The following VSTM5 variants were observed in gnomAD, a reference collection of about 807,000 sequenced individuals.
VSTM5 encodes V-set and transmembrane domain-containing protein 5.
A neutral mutation model predicts 20.3 loss-of-function variants in VSTM5; 21 were observed. The ratio of observed to expected loss-of-function variants is 1.03; its 90% CI spans 0.73 to 1.49. The LOEUF is 1.49. Ranked by LOEUF, VSTM5 falls within the 40% of genes most tolerant of loss-of-function variation. VSTM5 has a pLI of 0.00. For synonymous variants in VSTM5, 100 were observed against 102.5 expected (o/e 0.98, Z 0.14); for missense variants, 219 against 250.0 (o/e 0.88, Z 0.84).
chr11:93,822,832 T>A (rs1944200870), intron 1 of VSTM5, among the ~76,000 whole-genome samples: 1 of 152,234 alleles, frequency 6.6e-6, no homozygotes, highest in African/African-American at 2.4e-5. Context: ...GTATCTATGT[T>A]TCCTGATTTC....
chr11:93,844,216 G>A (rs374387629), intron 1 of VSTM5, among the ~76,000 whole-genome samples: 3 of 152,236 alleles, frequency 2.0e-5, no homozygotes, highest in Non-Finnish European at 4.4e-5. Context: ...CCCGAAGTGC[G>A]TGGAAGCCTT....
At chr11:93,848,611 G>A (rs1395827038) in intron 1 of VSTM5, among the ~76,000 whole-genome samples, 2 of 152,206 alleles carry the variant, frequency 1.3e-5, no homozygotes, top group Admixed American at 6.5e-5. Flanking sequence ...ATTCTGAGAC[G>A]CTAGGGCTTC....
intron 1 of VSTM5, among the ~76,000 whole-genome samples, chr11:93,847,130 T>G (rs866565515): frequency 6.6e-5 from 10 of 152,138 alleles, no homozygotes; most frequent in Non-Finnish European, 1.0e-4. Context: ...CATTTGTATG[T>G]ATGCAAAAAT....
chr11:93,821,230 A>G lies in VSTM5; in HGVS notation c.185T>C (p.Val62Ala). The change falls in exon 2 of 4, where the codon GTG becomes GCG. Residue 62 changes from valine (V) to alanine (A), a missense_variant. Coordinates refer to ENST00000409977, the MANE Select transcript of VSTM5 (RefSeq NM_001144871.2). Reference sequence around the variant, plus strand: ...TGAATATGTCCATTCGATGGTGGGCACTCCATGACAGGAGTACTCAACTGA... The same window carrying G: ...TGAATATGTCCATTCGATGGTGGGCGCTCCATGACAGGAGTACTCAACTGA... ...LLSVEYSCHGVPTIEWTYSSN... is the reference protein window; with the variant it reads ...LLSVEYSCHGAPTIEWTYSSN... The G allele has an allele frequency of 6.4e-7, 1 of 1,551,882 alleles. No individual in the cohort carries two copies. Among genetic ancestry groups the G allele is most frequent in the Admixed American group, 2.0e-5 (1 of 50,994 alleles).
At chr11:93,829,528 C>G (rs573901127) in intron 1 of VSTM5, among the ~76,000 whole-genome samples, 4 of 151,638 alleles carry the variant, frequency 2.6e-5, no homozygotes, top group African/African-American at 9.7e-5. Flanking sequence ...GACTCAGTCT[C>G]AAGAAAAAAG....
intron 1 of VSTM5, among the ~76,000 whole-genome samples, chr11:93,846,876 C>T (rs1441109426): frequency 1.3e-5 from 2 of 151,366 alleles, no homozygotes; most frequent in East Asian, 1.9e-4. Flanking sequence ...AAGCGATTCT[C>T]CTGCCTCAGC....
chr11:93,833,783 C>T (rs1944301470), intron 1 of VSTM5, among the ~76,000 whole-genome samples: 1 of 152,100 alleles, frequency 6.6e-6, no homozygotes, highest in Admixed American at 6.6e-5. Flanking sequence ...CCCTTTACTG[C>T]AAGTTACAGC....
intron 1 of VSTM5, among the ~76,000 whole-genome samples, chr11:93,837,834 C>T (rs188652803): frequency 4.7e-4 from 72 of 152,130 alleles, no homozygotes; most frequent in African/African-American, 1.6e-3. Context: ...GTTGCAAACA[C>T]ACCCATAAAA....
intron 1 of VSTM5, among the ~76,000 whole-genome samples, chr11:93,830,798 G>T (rs1457669491): frequency 6.6e-6 from 1 of 151,628 alleles, no homozygotes; most frequent in East Asian, 1.9e-4. Flanking sequence ...CACTACTGAG[G>T]CTGGAGTGCA....
At chr11:93,822,368 C>CAGT (rs1487646046) in intron 1 of VSTM5, among the ~76,000 whole-genome samples, 1 of 152,058 alleles carries the variant, frequency 6.6e-6, no homozygotes, top group African/African-American at 2.4e-5. Context: ...AGGCATGAGC[C>CAGT]AGTGCACCCA....
chr11:93,843,148 T>G (rs1330837102), intron 1 of VSTM5, among the ~76,000 whole-genome samples: 1 of 151,912 alleles, frequency 6.6e-6, no homozygotes, highest in Admixed American at 6.6e-5. Context: ...TTCGAGTAAA[T>G]TCTCCTCCAG....
chr11:93,848,480 TG>T (rs1944431101), intron 1 of VSTM5, among the ~76,000 whole-genome samples: 1 of 152,234 alleles, frequency 6.6e-6, no homozygotes. Flanking sequence ...CTCCAGGTTT[TG>T]CATGTGCCAT....
At chr11:93,846,852 T>C (rs567086336) in intron 1 of VSTM5, among the ~76,000 whole-genome samples, 292 of 151,054 alleles carry the variant, frequency 1.9e-3, no homozygotes, top group African/African-American at 6.9e-3. Context: ...CTGCAACCTC[T>C]GCCTCCCGGG....
At chr11:93,824,664 T>G (rs959723380) in intron 1 of VSTM5, among the ~76,000 whole-genome samples, 2 of 152,220 alleles carry the variant, frequency 1.3e-5, no homozygotes, top group African/African-American at 4.8e-5. Context: ...CAGAAGGTTT[T>G]TAGTTTGATG....
chr11:93,821,219 C>T lies in VSTM5; in HGVS notation c.196G>A (p.Glu66Lys), dbSNP rs371418616. 3.8e-5 allele frequency: 59 copies of T among 1,551,874 alleles called. No individual in the cohort carries two copies. The highest frequency in any genetic ancestry group is 4.9e-5 in the Non-Finnish European group (56 of 1,147,082). Residue 66 changes from glutamate to lysine, a missense_variant, in exon 2 of 4, where the codon GAA (glutamate) becomes AAA (lysine). Glu to Lys is a moderately conservative substitution (Grantham distance 56). Transcript: ENST00000409977. The stretch of plus-strand genomic sequence containing the variant: ...CCCCAATTGGATGAATATGTCCATT[C>T]GATGGTGGGCACTCCATGACAGGAG... ...EYSCHGVPTI[E>K]WTYSSNWGTQ...
At chr11:93,846,501 G>A (rs190042577) in intron 1 of VSTM5, among the ~76,000 whole-genome samples, 4 of 152,318 alleles carry the variant, frequency 2.6e-5, no homozygotes, top group Admixed American at 1.3e-4. Context: ...TCTTCCATAC[G>A]ATGTGCGCAT....
chr11:93,826,621 G>T (rs890130013), intron 1 of VSTM5, among the ~76,000 whole-genome samples: 1 of 151,788 alleles, frequency 6.6e-6, no homozygotes, highest in Non-Finnish European at 1.5e-5. Flanking sequence ...GGATGGTCTC[G>T]ATCTCCTGAC....
chr11:93,840,540 C>G (rs893652593), intron 1 of VSTM5, among the ~76,000 whole-genome samples: 3 of 152,206 alleles, frequency 2.0e-5, no homozygotes, highest in African/African-American at 7.2e-5. Context: ...TTCAGGAAGA[C>G]AGTTGGGGGA....
intron 1 of VSTM5, among the ~76,000 whole-genome samples, chr11:93,841,555 A>G (rs1171920763): frequency 1.3e-5 from 2 of 152,244 alleles, no homozygotes; most frequent in Non-Finnish European, 2.9e-5. Context: ...TCACTGAACC[A>G]GATTGCAGGG....
Sources: gnomAD v4.1 joint callset for allele counts (sites outside exome capture counted in the v4.1 genomes callset) on GRCh38, gnomAD v4.1.1 for gene constraint, MANE v1.5 for transcripts, NCBI Gene and HGNC (gene_info 2026-07-23, HGNC 2026-07-21) for gene names.